Variants in DBT observed in about 807,000 individuals in gnomAD.
The protein encoded by DBT is dihydrolipoamide branched chain transacylase E2, also known as lipoamide acyltransferase component of branched-chain alpha-keto acid dehydrogenase complex, mitochondrial.
In DBT, 40 loss-of-function variants were observed where a neutral mutation model predicts 51.3. The ratio of observed to expected loss-of-function variants is 0.78; its 90% CI spans 0.61 to 1.02. The LOEUF (loss-of-function observed/expected upper bound fraction) is 1.02. Among genes scored for constraint, DBT ranks in the 50% least tolerant of loss-of-function variants. The pLI, the probability that DBT is intolerant of heterozygous loss-of-function variation, is 0.00. For synonymous variants in DBT, 181 were observed against 190.4 expected, an observed-to-expected ratio of 0.95 and a Z score of 0.41; for missense variants, 510 against 580.2, an observed-to-expected ratio of 0.88 and a Z score of 1.24.
At chr1:100,248,571 C>T (rs1664697503) in intron 1 of DBT, among the ~76,000 whole-genome samples, 1 of 151,932 alleles carries the variant, frequency 6.6e-6, no homozygotes, top group Non-Finnish European at 1.5e-5. Context: ...GTGCAGAGGG[C>T]CAAAGTCAGA....
At chr1:100,247,299 C>G (rs1193524906) in intron 1 of DBT, among the ~76,000 whole-genome samples, 3 of 152,174 alleles carry the variant, frequency 2.0e-5, no homozygotes, top group African/African-American at 7.2e-5. Flanking sequence ...ACTACAAGAC[C>G]ACTGGAGGCA....
At chr1:100,229,037 C>A (rs187736220) in intron 4 of DBT, among the ~76,000 whole-genome samples, 2 of 152,112 alleles carry the variant, frequency 1.3e-5, no homozygotes, top group African/African-American at 4.8e-5. Flanking sequence ...TAGTAGGAAG[C>A]CTTCAATAAA....
chr1:100,210,467 A>G, intron 8 of DBT: 1 of 496,864 alleles, frequency 2.0e-6, no homozygotes, highest in Non-Finnish European at 3.4e-6. Flanking sequence ...CATTATTTTA[A>G]GCAGGAAAAA....
chr1:100,218,641 C>T lies in DBT; in HGVS notation c.540G>A (p.Leu180=), dbSNP rs760866247. Residue 180 remains leucine (L), a synonymous_variant, in exon 5 of 11, where the codon CTG becomes CTA. Coordinates refer to ENST00000370132, the MANE Select transcript of DBT (RefSeq NM_001918.5). ...GAGAACTTACATTGTTTTCCATTGC[C>T]AGACGGCGAACTGCAGGAGTTGCCA... is the stretch of plus-strand genomic sequence containing the variant. The part of the protein sequence containing the change: ...KTLATPAVRR[L]AMENNIKLSE... The T allele has an allele frequency of 1.9e-6, 3 of 1,614,002 alleles. No individual in the cohort carries two copies. The South Asian group carries it at 3.3e-5, about 18-fold the overall frequency.
chr1:100,212,339 C>G (rs150694317), intron 7 of DBT, among the ~76,000 whole-genome samples: 1 of 151,922 alleles, frequency 6.6e-6, no homozygotes, highest in African/African-American at 2.4e-5. Flanking sequence ...CCCTGTAAGA[C>G]CAGCCTGGGC....
Position 100,213,211 on chromosome 1 carries a change from C to A in DBT, c.939+1606G>T, listed in dbSNP as rs977856306. On this transcript the variant is annotated intron_variant, in intron 7 of 10. Coordinates refer to ENST00000370132, the MANE Select transcript of DBT (RefSeq NM_001918.5). ...AATTAAGAGATAATGGGCCCTGCCC[C>A]GCGTCTGCCTCAGAGGGGCCCGAGC... The A allele has an allele frequency of 7.8e-6, 5 of 644,262 alleles. No homozygotes were observed. The Admixed American group carries it at 1.8e-4, about 23-fold the overall frequency. The allele number at this position is 644,262 out of a possible 1,614,324, so 39.9% of individuals were successfully genotyped here. A position where few individuals can be genotyped will look rare whatever the true frequency, so the allele number is the denominator to read the frequency against.
chr1:100,218,604 CTTAAATA>C lies in DBT; in HGVS notation c.555+15_555+21del, dbSNP rs775511916. On this transcript the variant is annotated intron_variant, in intron 5 of 10. Transcript: ENST00000370132. ...TGTACACTTCCTATACAATCTCAGA[CTTAAATA>C]TTAAGAGAACTTACATTGTTTTCCA... The C allele has an allele frequency of 2.5e-6, 4 of 1,613,328 alleles. No individual in the cohort carries two copies. The highest frequency in any genetic ancestry group is 1.1e-5 in the South Asian group (1 of 91,072).
At chr1:100,218,504 A>T in intron 5 of DBT, 122 bp downstream of exon 5, 2 of 1,144,104 alleles carry the variant, frequency 1.7e-6, no homozygotes, top group Non-Finnish European at 2.6e-6. Context: ...TTCAGTAGCA[A>T]ATATCTTCAT....
intron 1 of DBT, chr1:100,249,051 T>A (rs1664749623): frequency 1.0e-6 from 1 of 977,978 alleles, no homozygotes; most frequent in Non-Finnish European, 1.2e-6. Context: ...CTCTTGAAAG[T>A]TTTTGTAAGA....
At chr1:100,213,277 G>A (rs1003912306) in intron 7 of DBT, 1 of 1,366,830 alleles carries the variant, frequency 7.3e-7, no homozygotes, top group Non-Finnish European at 9.4e-7. Flanking sequence ...GGCCGACAGA[G>A]CCGAGCCGGG....
intron 10 of DBT, among the ~76,000 whole-genome samples, chr1:100,203,801 G>T (rs978105237): frequency 6.6e-6 from 1 of 152,052 alleles, no homozygotes; most frequent in Non-Finnish European, 1.5e-5. Context: ...TTCAACATGT[G>T]CAAATCAATA....
At chr1:100,218,274 C>G (rs1409311817) in intron 5 of DBT, among the ~76,000 whole-genome samples, 1 of 152,190 alleles carries the variant, frequency 6.6e-6, no homozygotes, top group African/African-American at 2.4e-5. Flanking sequence ...TTGCTTCCTT[C>G]AGTCCCTTTA....
Position 100,246,933 on chromosome 1 carries a change from G to A in DBT, c.51+2837C>T, listed in dbSNP as rs76036054. 8.5e-3 allele frequency among the ~76,000 whole-genome samples: 1,301 copies of A among 152,322 alleles called. 9 individuals carry two copies. Among genetic ancestry groups the A allele is most frequent in the Non-Finnish European group, 0.014 (961 of 68,020 alleles). ...CGGGGATGAGGTATGTTGCAGATAA[G>A]GCCACAGTGGAGTAAGGCAAGAGTC... On this transcript the variant is annotated intron_variant, in intron 1 of 10. Coordinates refer to ENST00000370132, the MANE Select transcript of DBT (RefSeq NM_001918.5).
At chr1:100,222,699 G>A (rs1003411351) in intron 4 of DBT, among the ~76,000 whole-genome samples, 3 of 152,152 alleles carry the variant, frequency 2.0e-5, no homozygotes, top group South Asian at 2.1e-4. Context: ...CAATATAATG[G>A]CAGAATAATA....
chr1:100,206,323 AG>A (rs759359345), intron 9 of DBT, 22 bp from the exon 10 acceptor site: 1 of 1,568,740 alleles, frequency 6.4e-7, no homozygotes, highest in South Asian at 1.1e-5. Flanking sequence ...AAAAAAAAAA[AG>A]GAGAGTATTA....
chr1:100,213,779 G>T (rs892008311), intron 7 of DBT: 199 of 1,470,498 alleles, frequency 1.4e-4, no homozygotes, highest in Non-Finnish European at 1.7e-4. Context: ...TGTAAAGCGA[G>T]GTGGGACCGA....
At chr1:100,227,935 G>A (rs1490719097) in intron 4 of DBT, among the ~76,000 whole-genome samples, 2 of 152,088 alleles carry the variant, frequency 1.3e-5, no homozygotes, top group Non-Finnish European at 2.9e-5. Flanking sequence ...CACAACCTCT[G>A]CCTCTGGGGT....
In DBT at chr1:100,196,155, T is replaced by A. The variant is rs968840735; in HGVS notation, c.*100A>T. The A allele has an allele frequency of 9.6e-7, 1 of 1,040,004 alleles. No individual in the cohort carries two copies. Among genetic ancestry groups the A allele is most frequent in the African/African-American group, 1.6e-5 (1 of 62,832 alleles). 64.4% of individuals were successfully genotyped at this position (1,040,004 alleles called of 1,614,324 possible). A position where few individuals can be genotyped will look rare whatever the true frequency, so the allele number is the denominator to read the frequency against. On this transcript the variant is annotated 3_prime_UTR_variant, in exon 11 of 11. Transcript: ENST00000370132. ...TAGATCCTTAATCATACGATACAAA[T>A]CATTTACAATATAAATTGTAAAGAT...
At chr1:100,205,748 T>C (rs1208354019) in intron 10 of DBT, among the ~76,000 whole-genome samples, 1 of 152,176 alleles carries the variant, frequency 6.6e-6, no homozygotes, top group Non-Finnish European at 1.5e-5. Flanking sequence ...ATGTGGCACA[T>C]ATACACCATG....
Sources: gnomAD v4.1 joint callset for allele counts (sites outside exome capture counted in the v4.1 genomes callset) on GRCh38, gnomAD v4.1.1 for gene constraint, MANE v1.5 for transcripts, NCBI Gene and HGNC (gene_info 2026-07-23, HGNC 2026-07-21) for gene names.